The following IL1RAPL1 variants were observed in gnomAD, a reference collection of about 807,000 sequenced individuals.
IL1RAPL1 encodes the protein interleukin 1 receptor accessory protein like 1.
In IL1RAPL1, 3 loss-of-function variants were observed where a neutral mutation model predicts 48.4. The observed-to-expected ratio is 0.06, with a 90% CI of 0.03 to 0.16. IL1RAPL1 has a LOEUF of 0.16. Among genes scored for constraint, IL1RAPL1 ranks in the 10% least tolerant of loss-of-function variants. The pLI is 1.00. For synonymous variants in IL1RAPL1, 185 were observed against 187.7 expected, an observed-to-expected ratio of 0.99 and a Z score of 0.12; for missense variants, 349 against 530.6, an observed-to-expected ratio of 0.66 and a Z score of 3.36.
intron 6 of IL1RAPL1, among the ~76,000 whole-genome samples, chrX:29,884,560 T>C (rs796896735): frequency 9.0e-6 from 1 of 111,500 alleles, no homozygotes; most frequent in South Asian, 3.8e-4. Context: ...CTACTCTCCC[T>C]ACTCTCATTC....
At chrX:29,565,905 G>A (rs1454496707) in intron 5 of IL1RAPL1, among the ~76,000 whole-genome samples, 1 of 111,173 alleles carries the variant, frequency 9.0e-6, no homozygotes, top group Admixed American at 9.5e-5. Context: ...GAAATTAAAT[G>A]AAATGCACTA....
chrX:28,784,523 A>AGT (rs1031861148), intron 1 of IL1RAPL1, among the ~76,000 whole-genome samples: 3 of 111,653 alleles, frequency 2.7e-5, no homozygotes, highest in Non-Finnish European at 5.6e-5. Context: ...GAAACTTTGA[A>AGT]GTAGGTATTT....
intron 5 of IL1RAPL1, among the ~76,000 whole-genome samples, chrX:29,411,768 T>C (rs184345087): frequency 1.3e-3 from 143 of 109,499 alleles, no homozygotes; most frequent in Middle Eastern, 4.8e-3. Context: ...TTATAGGCAT[T>C]ACTATCTATA....
intron 5 of IL1RAPL1, among the ~76,000 whole-genome samples, chrX:29,589,852 C>T (rs1157489528): frequency 9.0e-6 from 1 of 111,148 alleles, no homozygotes; most frequent in Non-Finnish European, 1.9e-5. Flanking sequence ...CACAGTTCTG[C>T]GGGCTTTACA....
At chrX:29,923,733 C>T (rs1355325146) in intron 8 of IL1RAPL1, among the ~76,000 whole-genome samples, 2 of 112,045 alleles carry the variant, frequency 1.8e-5, no homozygotes, top group East Asian at 2.8e-4. Flanking sequence ...CTTCAGTTCT[C>T]CTCCAAAGCT....
chrX:28,915,097 C>A (rs193229724), intron 2 of IL1RAPL1, among the ~76,000 whole-genome samples: 1 of 111,589 alleles, frequency 9.0e-6, no homozygotes, highest in Admixed American at 9.6e-5. Flanking sequence ...GTTAGATTCT[C>A]ATAAGGAGCA....
At chrX:29,450,747 T>G (rs1205005118) in intron 5 of IL1RAPL1, among the ~76,000 whole-genome samples, 1 of 112,193 alleles carries the variant, frequency 8.9e-6, no homozygotes, top group Non-Finnish European at 1.9e-5. Context: ...CAAATGAAAG[T>G]TGTTAAAATG....
intron 6 of IL1RAPL1, among the ~76,000 whole-genome samples, chrX:29,700,176 A>C (rs989918190): frequency 6.2e-5 from 7 of 112,095 alleles, no homozygotes; most frequent in Non-Finnish European, 1.1e-4. Flanking sequence ...AAAAATTTTT[A>C]ATAAGTTTGA....
At chrX:29,558,279 T>C (rs1412338317) in intron 5 of IL1RAPL1, among the ~76,000 whole-genome samples, 1 of 111,934 alleles carries the variant, frequency 8.9e-6, no homozygotes, top group Admixed American at 9.5e-5. Context: ...ATTTCTCTGA[T>C]GATTAGTGAT....
intron 2 of IL1RAPL1, among the ~76,000 whole-genome samples, chrX:29,207,776 A>G (rs918260140): frequency 8.9e-6 from 1 of 111,983 alleles, no homozygotes; most frequent in Non-Finnish European, 1.9e-5. Context: ...AACAATTCAT[A>G]CCAAAAATAA....
At chrX:29,497,829 A>G (rs1340448152) in intron 5 of IL1RAPL1, among the ~76,000 whole-genome samples, 1 of 111,918 alleles carries the variant, frequency 8.9e-6, no homozygotes, top group East Asian at 2.8e-4. Flanking sequence ...GGTTCATCTT[A>G]AATTTGGTGA....
At chrX:29,051,360 C>G (rs891219558) in intron 2 of IL1RAPL1, among the ~76,000 whole-genome samples, 1 of 112,192 alleles carries the variant, frequency 8.9e-6, no homozygotes, top group African/African-American at 3.2e-5. Context: ...CTTACTACAA[C>G]AAGGCATTTT....
At chrX:29,939,310 T>C (rs1464112299) in intron 8 of IL1RAPL1, among the ~76,000 whole-genome samples, 1 of 111,704 alleles carries the variant, frequency 9.0e-6, no homozygotes, top group Non-Finnish European at 1.9e-5. Context: ...AATTAGAAAA[T>C]CTTAAAAGAA....
chrX:28,787,922 G>A (rs1440388085), intron 1 of IL1RAPL1, among the ~76,000 whole-genome samples: 1 of 111,372 alleles, frequency 9.0e-6, no homozygotes, highest in African/African-American at 3.3e-5. Flanking sequence ...CGGTCTTTCA[G>A]CTCCACTATC....
At chrX:29,445,998 G>A (rs1477547035) in intron 5 of IL1RAPL1, among the ~76,000 whole-genome samples, 1 of 111,812 alleles carries the variant, frequency 8.9e-6, no homozygotes, top group African/African-American at 3.2e-5. Flanking sequence ...TCTAGTACAC[G>A]ACATACTGTA....
intron 2 of IL1RAPL1, among the ~76,000 whole-genome samples, chrX:29,003,702 A>C (rs1452144307): frequency 8.9e-6 from 1 of 112,629 alleles, no homozygotes; most frequent in Non-Finnish European, 1.9e-5. Context: ...ATTGAAAATG[A>C]AACTATACCT....
rs1314301336 is a variant in IL1RAPL1 at position 28,695,666 on chromosome X, AT to A, written c.-24-93653del. Among the ~76,000 whole-genome samples, 38 of 112,100 alleles carry A rather than the reference AT, an allele frequency of 3.4e-4. 1 individual carries two copies. Among genetic ancestry groups the A allele is most frequent in the African/African-American group, 9.7e-4 (30 of 30,992 alleles). On this transcript the variant is annotated intron_variant, in intron 1 of 10. Transcript: ENST00000378993. Reference sequence around the variant, plus strand: ...TTTAATGATACGTTAAAATAGTCACATGTAATCATTCATTCTACAAATTCAG... The same window carrying A: ...TTTAATGATACGTTAAAATAGTCACAGTAATCATTCATTCTACAAATTCAG...
intron 5 of IL1RAPL1, among the ~76,000 whole-genome samples, chrX:29,602,045 G>A (rs1923736741): frequency 9.0e-6 from 1 of 111,580 alleles, no homozygotes; most frequent in Non-Finnish European, 1.9e-5. Context: ...GTGCAGTGGT[G>A]CGATCTTGGC....
intron 6 of IL1RAPL1, among the ~76,000 whole-genome samples, chrX:29,845,231 T>C (rs1438671514): frequency 2.7e-5 from 3 of 111,371 alleles, no homozygotes; most frequent in Non-Finnish European, 5.7e-5. Flanking sequence ...GCCATACAGA[T>C]ACTGAAAGGA....
Sources: allele counts gnomAD v4.1 joint callset (sites outside exome capture counted in the v4.1 genomes callset), GRCh38; gene constraint gnomAD v4.1.1; transcripts MANE v1.5; gene names NCBI Gene and HGNC (gene_info 2026-07-23, HGNC 2026-07-21).